The following IGSF21 variants were observed in gnomAD, a reference collection of about 807,000 sequenced individuals.
IGSF21 encodes immunoglobulin superfamily member 21.
Under a neutral mutation model 46.8 loss-of-function variants are expected in IGSF21, and 28 were observed. The ratio of observed to expected loss-of-function variants is 0.60; its 90% CI spans 0.44 to 0.82. The LOEUF (loss-of-function observed/expected upper bound fraction) is 0.82, where lower values mean the gene tolerates loss of function less well. Ranked by LOEUF, IGSF21 falls within the 40% of genes least tolerant of loss-of-function variation. IGSF21 has a pLI of 0.00. For synonymous variants in IGSF21, 284 were observed against 273.6 expected (o/e 1.04, Z -0.38); for missense variants, 624 against 665.5 (o/e 0.94, Z 0.69).
chr1:18,377,984 A>G (rs2086302631), intron 9 of IGSF21, among the ~76,000 whole-genome samples: 1 of 152,104 alleles, frequency 6.6e-6, no homozygotes, highest in Non-Finnish European at 1.5e-5. Flanking sequence ...CCCTACATGG[A>G]GCCAATCTCA....
chr1:18,371,793 T>G (rs905984706), intron 6 of IGSF21, among the ~76,000 whole-genome samples: 1 of 152,202 alleles, frequency 6.6e-6, no homozygotes, highest in African/African-American at 2.4e-5. Flanking sequence ...AGCCTCTTCC[T>G]CCTGGTTCCT....
intron 2 of IGSF21, among the ~76,000 whole-genome samples, chr1:18,231,985 G>A (rs1053953208): frequency 1.4e-5 from 2 of 146,996 alleles, no homozygotes; most frequent in African/African-American, 4.9e-5. Flanking sequence ...AAAAAAGGGA[G>A]ATGGTCATCA....
intron 3 of IGSF21, among the ~76,000 whole-genome samples, chr1:18,333,501 G>A (rs2085735718): frequency 2.6e-5 from 4 of 152,120 alleles, no homozygotes; most frequent in Admixed American, 2.6e-4. Flanking sequence ...AGTCCTGCAG[G>A]GACATCATTG....
intron 1 of IGSF21, among the ~76,000 whole-genome samples, chr1:18,173,703 T>C (rs1433439440): frequency 2.6e-5 from 4 of 152,194 alleles, no homozygotes; most frequent in African/African-American, 9.7e-5. Flanking sequence ...AAATAGCAGA[T>C]GTGGATTTGA....
chr1:18,224,512 T>C (rs1428957499), intron 1 of IGSF21, among the ~76,000 whole-genome samples: 1 of 152,162 alleles, frequency 6.6e-6, no homozygotes, highest in African/African-American at 2.4e-5. Flanking sequence ...ACTGGACATA[T>C]TTTCCATCAT....
chr1:18,332,043 G>A (rs11260983), intron 3 of IGSF21, among the ~76,000 whole-genome samples: 7,064 of 152,220 alleles, frequency 0.046, 559 homozygotes, highest in African/African-American at 0.16. Flanking sequence ...TCATAAAGCA[G>A]CAATCCCGGT....
rs1332113536 is a variant in IGSF21, at chr1:18,109,080, G to C, written c.70+882G>C. Among the ~76,000 whole-genome samples the C allele has an allele frequency of 6.6e-6, 1 of 151,778 alleles. No individual in the cohort carries two copies. The highest frequency in any genetic ancestry group is 1.5e-5 in the Non-Finnish European group (1 of 67,956). On this transcript the variant is annotated intron_variant, in intron 1 of 9. Coordinates refer to ENST00000251296, the MANE Select transcript of IGSF21 (RefSeq NM_032880.5). The surrounding 1 kb of genome is among the most constrained non-coding windows in gnomAD (Gnocchi z 4.8). ...CTAGAAGGAGGTTGAAGCCGAGCGG[G>C]TTCTCCGGAGCCAGTGAGAGGTGGC...
intron 1 of IGSF21, among the ~76,000 whole-genome samples, chr1:18,200,603 C>G (rs946509501): frequency 6.6e-6 from 1 of 152,212 alleles, no homozygotes; most frequent in Non-Finnish European, 1.5e-5. Flanking sequence ...AAATTCCGCT[C>G]TTCTTATAAG....
chr1:18,370,435 C>T lies in IGSF21; in HGVS notation c.1015+4738C>T, dbSNP rs529117956. ...ATTAAACCTGGACCCCTGCCTCGCA[C>T]ACACACAAAAATTAATTTGAAATGA... On this transcript the variant is annotated intron_variant, in intron 6 of 9. Transcript: ENST00000251296. Among the ~76,000 whole-genome samples, 11 of 152,290 alleles carry T rather than the reference C, an allele frequency of 7.2e-5. No homozygotes were observed. In the East Asian group the frequency reaches 2.1e-3, roughly 29 times the overall value.
intron 4 of IGSF21, among the ~76,000 whole-genome samples, chr1:18,352,684 C>T (rs537593100): frequency 1.3e-5 from 2 of 152,330 alleles, no homozygotes; most frequent in South Asian, 4.1e-4. Context: ...TTCACTGATT[C>T]ACTGCCTAGA....
intron 1 of IGSF21, among the ~76,000 whole-genome samples, chr1:18,137,160 G>A (rs1246827512): frequency 1.3e-5 from 2 of 152,168 alleles, no homozygotes; most frequent in African/African-American, 4.8e-5. Flanking sequence ...GGGGGAGCAG[G>A]TGCATTGCAT....
In IGSF21 at chr1:18,365,605, C is replaced by A. The variant is rs1211038089; in HGVS notation, c.923C>A (p.Thr308Asn). Reference protein sequence around the residue: ...TVEVRALLTWTLNPQIDNEAL... With the variant: ...TVEVRALLTWNLNPQIDNEAL... ...GAAGTACGTGCCCTGCTCACCTGGA[C>A]CCTCAACCCACAGATCGACAACGAG... is the stretch of plus-strand genomic sequence containing the variant. The change falls in exon 6 of 10, where the codon ACC (threonine) becomes AAC (asparagine). Residue 308 changes from threonine (T) to asparagine (N), a missense_variant. Thr to Asn is a moderately conservative substitution (Grantham distance 65). Transcript: ENST00000251296. This position sits in a 1 kb window ranked among gnomAD's most constrained non-coding sequence, Gnocchi z 4.8. The A allele has an allele frequency of 1.9e-6, 3 of 1,614,224 alleles. No homozygotes were observed. The highest frequency in any genetic ancestry group is 3.3e-5 in the Admixed American group (2 of 60,020).
chr1:18,132,777 A>G (rs2086333360), intron 1 of IGSF21, among the ~76,000 whole-genome samples: 1 of 152,018 alleles, frequency 6.6e-6, no homozygotes, highest in Admixed American at 6.5e-5. Flanking sequence ...AGGGTCTGCA[A>G]ACTTCCCCAT....
At chr1:18,166,799 C>T (rs1013501433) in intron 1 of IGSF21, 3 of 152,368 alleles carry the variant, frequency 2.0e-5, no homozygotes, top group Admixed American at 1.3e-4. Context: ...GGAAGGGAGA[C>T]TCATATCTGA....
chr1:18,373,013 A>T (rs1219066946), intron 6 of IGSF21, among the ~76,000 whole-genome samples: 1 of 152,188 alleles, frequency 6.6e-6, no homozygotes, highest in Non-Finnish European at 1.5e-5. Context: ...CAGGACAGGT[A>T]AGGAAGGCAA....
At chr1:18,268,901 A>G (rs1252977678) in intron 2 of IGSF21, among the ~76,000 whole-genome samples, 1 of 152,174 alleles carries the variant, frequency 6.6e-6, no homozygotes, top group African/African-American at 2.4e-5. Flanking sequence ...TACAAGTTGA[A>G]ACACATATAG....
intron 1 of IGSF21, among the ~76,000 whole-genome samples, chr1:18,122,035 G>C (rs2086238194): frequency 6.6e-6 from 1 of 152,082 alleles, no homozygotes; most frequent in South Asian, 2.1e-4. Context: ...GGGCGGTAGG[G>C]GTACTGCCTT....
chr1:18,285,400 CA>C (rs1368590562), intron 2 of IGSF21, among the ~76,000 whole-genome samples: 1 of 152,032 alleles, frequency 6.6e-6, no homozygotes, highest in Non-Finnish European at 1.5e-5. Flanking sequence ...TGGTTGGGGT[CA>C]GGGGGCAGTC....
chr1:18,114,943 T>C (rs2086175504), intron 1 of IGSF21: 1 of 152,446 alleles, frequency 6.6e-6, no homozygotes. Context: ...CTGTGAGCTG[T>C]GTGCTGCTGT....
Sources: gnomAD v4.1 joint callset for allele counts (sites outside exome capture counted in the v4.1 genomes callset) on GRCh38, gnomAD v4.1.1 for gene constraint, Gnocchi (gnomAD v3.1) non-coding constraint, MANE v1.5 for transcripts, NCBI Gene and HGNC (gene_info 2026-07-23, HGNC 2026-07-21) for gene names.